Variants in RAD54L2 observed in about 807,000 individuals in gnomAD.
RAD54L2 encodes helicase ARIP4.
In RAD54L2, 27 loss-of-function variants were observed where a neutral mutation model predicts 138.4. That is an observed-to-expected ratio of 0.20 (90% CI 0.14 to 0.27). The LOEUF is 0.27. Ranked by LOEUF, RAD54L2 falls within the 10% of genes least tolerant of loss-of-function variation. The pLI, the probability that RAD54L2 is intolerant of heterozygous loss-of-function variation, is 1.00. For synonymous variants in RAD54L2, 644 were observed against 723.2 expected, an observed-to-expected ratio of 0.89 and a Z score of 1.76; for missense variants, 1,396 against 1,890.2, an observed-to-expected ratio of 0.74 and a Z score of 4.85.
In RAD54L2 at chr3:51,666,714, C is replaced by T. The variant is rs1490567803; in HGVS notation, c.*3294C>T. The T allele has an allele frequency of 1.3e-5, 2 of 152,166 alleles. No individual in the cohort carries two copies. The highest frequency in any genetic ancestry group is 2.9e-5 in the Non-Finnish European group (2 of 68,016). 9.4% of individuals were successfully genotyped at this position (152,166 alleles called of 1,614,324 possible). The stretch of plus-strand genomic sequence containing the variant: ...TCTTTAGATTGGATATCTATGAAGT[C>T]CACACCCCTTTGAGTTATGCTTTTT... On this transcript the variant is annotated 3_prime_UTR_variant, in exon 23 of 23. Transcript: ENST00000684192.
At chr3:51,605,365 A>C (rs1700157189) in intron 3 of RAD54L2, among the ~76,000 whole-genome samples, 1 of 151,766 alleles carries the variant, frequency 6.6e-6, no homozygotes, top group Non-Finnish European at 1.5e-5. Flanking sequence ...CTGAGATTAC[A>C]ACTGTGAGCC....
intron 3 of RAD54L2, among the ~76,000 whole-genome samples, chr3:51,613,991 A>G (rs149682379): frequency 2.2e-3 from 336 of 152,284 alleles, no homozygotes; most frequent in African/African-American, 5.8e-3. Context: ...GTCCTACAGC[A>G]TGAGGATAGC....
chr3:51,658,755 A>C (rs1036266231), intron 21 of RAD54L2, among the ~76,000 whole-genome samples: 56 of 152,078 alleles, frequency 3.7e-4, no homozygotes, highest in Non-Finnish European at 3.1e-4. Context: ...CAGCCTCCTT[A>C]CTGGATTCTT....
chr3:51,604,947 A>C (rs1700148245), intron 3 of RAD54L2, among the ~76,000 whole-genome samples: 1 of 151,504 alleles, frequency 6.6e-6, no homozygotes, highest in Non-Finnish European at 1.5e-5. Flanking sequence ...TTTGAGATGG[A>C]ATCTCACTCT....
chr3:51,568,121 G>A (rs1241223314), intron 2 of RAD54L2, among the ~76,000 whole-genome samples: 1 of 152,032 alleles, frequency 6.6e-6, no homozygotes, highest in Non-Finnish European at 1.5e-5. Context: ...GGGGCATTTG[G>A]TAGTTTATTA....
intron 2 of RAD54L2, among the ~76,000 whole-genome samples, chr3:51,551,731 G>A (rs1340136256): frequency 6.6e-6 from 1 of 151,208 alleles, no homozygotes; most frequent in Non-Finnish European, 1.5e-5. Context: ...CACTGCACCC[G>A]GCCTGTAGGA....
At chr3:51,621,092 T>A (rs1013483609) in intron 3 of RAD54L2, among the ~76,000 whole-genome samples, 7 of 152,146 alleles carry the variant, frequency 4.6e-5, no homozygotes, top group African/African-American at 1.7e-4. Flanking sequence ...AATAACAGAT[T>A]TTTTATTAAG....
intron 5 of RAD54L2, among the ~76,000 whole-genome samples, chr3:51,629,977 T>C (rs1018191608): frequency 1.3e-5 from 2 of 152,188 alleles, no homozygotes; most frequent in African/African-American, 4.8e-5. Context: ...CTAAAATGAA[T>C]AAAAATGTAC....
intron 1 of RAD54L2, among the ~76,000 whole-genome samples, chr3:51,539,882 T>A (rs1698508101): frequency 6.6e-6 from 1 of 152,182 alleles, no homozygotes; most frequent in South Asian, 2.1e-4. Context: ...TGGGGCTGGA[T>A]GAGTTTGTTC....
intron 2 of RAD54L2, among the ~76,000 whole-genome samples, chr3:51,548,211 CAG>C (rs1553672741): frequency 6.8e-6 from 1 of 147,882 alleles, no homozygotes; most frequent in Non-Finnish European, 1.5e-5. Flanking sequence ...TTTTTTGAGA[CAG>C]AGTCTTGCTC....
intron 2 of RAD54L2, among the ~76,000 whole-genome samples, chr3:51,560,519 C>G (rs1699074424): frequency 6.6e-6 from 1 of 151,890 alleles, no homozygotes; most frequent in South Asian, 2.1e-4. Flanking sequence ...CACCACCACG[C>G]CTGGCTAATT....
At chr3:51,561,397 C>T (rs192484782) in intron 2 of RAD54L2, among the ~76,000 whole-genome samples, 48 of 152,234 alleles carry the variant, frequency 3.2e-4, no homozygotes, top group African/African-American at 1.1e-3. Context: ...AGGCATGTGC[C>T]GCCATGCCCG....
At chr3:51,570,520 G>A (rs747429069) in intron 2 of RAD54L2, among the ~76,000 whole-genome samples, 6 of 151,682 alleles carry the variant, frequency 4.0e-5, no homozygotes, top group South Asian at 4.2e-4. Flanking sequence ...GCAGTGGCGC[G>A]ATCTCGGCTC....
intron 2 of RAD54L2, among the ~76,000 whole-genome samples, chr3:51,562,089 G>A (rs973306202): frequency 6.6e-6 from 1 of 151,612 alleles, no homozygotes; most frequent in Non-Finnish European, 1.5e-5. Context: ...AGGCTGGAGT[G>A]CAGTGGTGTG....
At position 51,638,854 on chromosome 3, in the gene RAD54L2, C is replaced by T. The variant is rs1414700321; in HGVS notation, c.1860+533C>T. The T allele has an allele frequency of 6.3e-6, 1 of 158,876 alleles. No individual in the cohort carries two copies. The highest frequency in any genetic ancestry group is 2.4e-5 in the African/African-American group (1 of 41,442). 9.8% of individuals were successfully genotyped at this position (158,876 alleles called of 1,614,324 possible). On this transcript the variant is annotated intron_variant, in intron 12 of 22. Transcript: ENST00000684192. The surrounding 1 kb of genome is among the most constrained non-coding windows in gnomAD (Gnocchi z 4.3). ...TCAGCAGAAGGTATGTGTCTGGGGA[C>T]AAGAGGGGTTTCCAAATATTTCTTT...
At chr3:51,548,721 C>T (rs1044763207) in intron 2 of RAD54L2, among the ~76,000 whole-genome samples, 16 of 151,952 alleles carry the variant, frequency 1.1e-4, no homozygotes, top group Non-Finnish European at 1.8e-4. Flanking sequence ...GACAGTCACC[C>T]CTTATTTCAG....
Position 51,605,457 on chromosome 3 carries a change from T to TG in RAD54L2, c.139+14898_139+14899insG, listed in dbSNP as rs1437370750. 2.7e-5 allele frequency among the ~76,000 whole-genome samples: 4 copies of TG among 147,842 alleles called. No homozygotes were observed. The East Asian group carries it at 6.0e-4, about 22-fold the overall frequency. ...TATTTGCTTGAATTTGAGGGTTTTT[T>TG]TTTTTTTTTTTTGAGATGGAGTTTC... is the stretch of plus-strand genomic sequence containing the variant. On this transcript the variant is annotated intron_variant, in intron 3 of 22. Transcript: ENST00000684192.
chr3:51,624,451 G>A (rs73080613), intron 3 of RAD54L2, among the ~76,000 whole-genome samples: 1,607 of 151,806 alleles, frequency 0.011, 17 homozygotes, highest in Admixed American at 0.015. Context: ...TGAGAGATGG[G>A]GTTTTGCTAT....
intron 2 of RAD54L2, among the ~76,000 whole-genome samples, chr3:51,563,449 C>A (rs1699144152): frequency 6.6e-6 from 1 of 152,104 alleles, no homozygotes; most frequent in African/African-American, 2.4e-5. Flanking sequence ...TGGTGCTTTC[C>A]AAGTATTGGT....
Sources: gnomAD v4.1 joint callset for allele counts (sites outside exome capture counted in the v4.1 genomes callset) on GRCh38, gnomAD v4.1.1 for gene constraint, Gnocchi (gnomAD v3.1) non-coding constraint, MANE v1.5 for transcripts, NCBI Gene and HGNC (gene_info 2026-07-23, HGNC 2026-07-21) for gene names.